Variants in ITGBL1 observed in about 807,000 individuals in gnomAD.
ITGBL1 encodes integrin subunit beta like 1, also known as integrin beta-like protein 1.
Under a neutral mutation model 68.5 loss-of-function variants are expected in ITGBL1, and 51 were observed. The observed-to-expected ratio is 0.74, with a 90% confidence interval of 0.59 to 0.94. ITGBL1 has a LOEUF of 0.94. ITGBL1 is among the 40% of genes least tolerant of loss of function. ITGBL1 has a pLI of 0.00. For synonymous variants in ITGBL1, 209 were observed against 227.3 expected (o/e 0.92, Z 0.72); for missense variants, 649 against 647.4 (o/e 1.00, Z -0.03).
intron 7 of ITGBL1, among the ~76,000 whole-genome samples, chr13:101,668,330 G>A (rs111550494): frequency 0.017 from 2,611 of 152,288 alleles, 82 homozygotes; most frequent in African/African-American, 0.058. Flanking sequence ...AGAGGTTGCA[G>A]TGAGCTGAGA....
chr13:101,452,769 C>T lies in ITGBL1; in HGVS notation c.-65C>T. The T allele has an allele frequency of 1.5e-6, 2 of 1,338,560 alleles. No individual in the cohort carries two copies. Among genetic ancestry groups the T allele is most frequent in the South Asian group, 1.2e-5 (1 of 85,342 alleles). 82.9% of individuals were successfully genotyped at this position (1,338,560 alleles called of 1,614,324 possible). A position where few individuals can be genotyped will look rare whatever the true frequency, so the allele number is the denominator to read the frequency against. On this transcript the variant is annotated 5_prime_UTR_variant, in exon 1 of 11. Transcript: ENST00000376180. ...TGCTGGTGGCACCTCTCCCTCCTGC[C>T]GCCTCCCTCGGTGAACCCCACCTTG...
intron 7 of ITGBL1, among the ~76,000 whole-genome samples, chr13:101,682,259 A>G (rs966584838): frequency 1.3e-5 from 2 of 152,216 alleles, no homozygotes; most frequent in Non-Finnish European, 2.9e-5. Flanking sequence ...TCTGTATTTT[A>G]TAAAGGTCAC....
chr13:101,611,226 GA>G (rs1381432356), intron 7 of ITGBL1, among the ~76,000 whole-genome samples: 1 of 152,172 alleles, frequency 6.6e-6, no homozygotes, highest in Non-Finnish European at 1.5e-5. Context: ...TGATGTCATA[GA>G]AATGCCAAGT....
Position 101,545,707 on chromosome 13 carries a change from G to A in ITGBL1, c.317-21992G>A, listed in dbSNP as rs981165937. On this transcript the variant is annotated intron_variant, in intron 2 of 10. Coordinates refer to ENST00000376180, the MANE Select transcript of ITGBL1 (RefSeq NM_004791.3). ...AAGCTAAATATAAACAATAAAAAAA[G>A]TCATCTTCTTCAGGGAATTTATAGT... is the stretch of plus-strand genomic sequence containing the variant. 9.9e-5 allele frequency among the ~76,000 whole-genome samples: 15 copies of A among 152,200 alleles called. 1 individual carries two copies. In the East Asian group the frequency reaches 2.7e-3, roughly 28 times the overall value.
intron 2 of ITGBL1, among the ~76,000 whole-genome samples, chr13:101,455,099 C>T (rs1432281631): frequency 3.9e-5 from 6 of 152,150 alleles, no homozygotes; most frequent in Non-Finnish European, 5.9e-5. Flanking sequence ...CAATGCATTC[C>T]AGCCAGGGTT....
chr13:101,601,414 G>GT (rs1036678062), intron 7 of ITGBL1, among the ~76,000 whole-genome samples: 10 of 152,142 alleles, frequency 6.6e-5, no homozygotes, highest in Admixed American at 4.6e-4. Flanking sequence ...TTTTTGAAGG[G>GT]TTTTTTGTGT....
chr13:101,647,921 G>T (rs1178732863), intron 7 of ITGBL1, among the ~76,000 whole-genome samples: 1 of 152,120 alleles, frequency 6.6e-6, no homozygotes, highest in Non-Finnish European at 1.5e-5. Context: ...TGGGAGCGCT[G>T]GTGTGCTTGG....
chr13:101,466,532 CT>C (rs751350077), intron 2 of ITGBL1, among the ~76,000 whole-genome samples: 8 of 152,182 alleles, frequency 5.3e-5, no homozygotes. Flanking sequence ...TGCTGACCCG[CT>C]TCCTCTTTCT....
intron 2 of ITGBL1, among the ~76,000 whole-genome samples, chr13:101,480,190 C>T (rs1473400602): frequency 6.6e-6 from 1 of 151,862 alleles, no homozygotes; most frequent in Non-Finnish European, 1.5e-5. Context: ...AACTGGAGGA[C>T]GTTATTTTAA....
chr13:101,488,621 G>A (rs1315254308), intron 2 of ITGBL1, among the ~76,000 whole-genome samples: 1 of 152,166 alleles, frequency 6.6e-6, no homozygotes, highest in African/African-American at 2.4e-5. Context: ...AGTTTACTGA[G>A]CATGTACTGT....
At position 101,566,477 on chromosome 13, in the gene ITGBL1, C is replaced by T. The variant is rs542775575; in HGVS notation, c.317-1222C>T. On this transcript the variant is annotated intron_variant, in intron 2 of 10. Transcript: ENST00000376180. ...GAATGAATTCCTAATAAAATACTTG[C>T]AAGGTTTTGGTTATAAAATAGAATA... Among the ~76,000 whole-genome samples the T allele has an allele frequency of 1.5e-3, 229 of 152,086 alleles. 1 individual carries two copies. Among genetic ancestry groups the T allele is most frequent in the Non-Finnish European group, 2.3e-3 (157 of 67,994 alleles).
intron 7 of ITGBL1, among the ~76,000 whole-genome samples, chr13:101,662,154 TTGAA>T (rs1178841336): frequency 3.9e-5 from 6 of 152,226 alleles, no homozygotes; most frequent in Non-Finnish European, 8.8e-5. Flanking sequence ...TTTGGACTGA[TTGAA>T]TAGTTTATTT....
chr13:101,453,817 TG>T, intron 1 of ITGBL1, 65 bp from the exon 2 acceptor site: 1 of 1,084,750 alleles, frequency 9.2e-7, no homozygotes, highest in Non-Finnish European at 1.2e-6. Flanking sequence ...GGAGGAAACG[TG>T]GGTTCGGAGC....
chr13:101,496,267 C>G (rs763134478), intron 2 of ITGBL1, among the ~76,000 whole-genome samples: 8 of 152,160 alleles, frequency 5.3e-5, no homozygotes, highest in Non-Finnish European at 8.8e-5. Flanking sequence ...GGACACAGCC[C>G]TGGGCATATA....
intron 7 of ITGBL1, among the ~76,000 whole-genome samples, chr13:101,625,031 C>A (rs1314405230): frequency 6.6e-6 from 1 of 152,100 alleles, no homozygotes; most frequent in Non-Finnish European, 1.5e-5. Context: ...TGGTTCCCTG[C>A]CGGTAGATAA....
intron 2 of ITGBL1, among the ~76,000 whole-genome samples, chr13:101,460,033 T>C (rs1200370590): frequency 6.6e-6 from 1 of 152,152 alleles, no homozygotes; most frequent in African/African-American, 2.4e-5. Flanking sequence ...TCTTAGATTG[T>C]TGAACGATCT....
intron 7 of ITGBL1, among the ~76,000 whole-genome samples, chr13:101,625,817 G>C (rs1456596172): frequency 1.3e-5 from 2 of 152,110 alleles, no homozygotes; most frequent in African/African-American, 4.8e-5. Flanking sequence ...GCCTCCCAAA[G>C]TTCTGGGATT....
chr13:101,530,269 C>T (rs908069337), intron 2 of ITGBL1, among the ~76,000 whole-genome samples: 10 of 151,422 alleles, frequency 6.6e-5, no homozygotes, highest in East Asian at 1.9e-4. Flanking sequence ...AGAGAGAGCG[C>T]GAGGGGAGAG....
chr13:101,539,319 T>G (rs2049642771), intron 2 of ITGBL1, among the ~76,000 whole-genome samples: 1 of 151,844 alleles, frequency 6.6e-6, no homozygotes, highest in South Asian at 2.1e-4. Context: ...TTTTTATCCT[T>G]GTGATAGCTT....
Sources: allele counts gnomAD v4.1 joint callset (sites outside exome capture counted in the v4.1 genomes callset), GRCh38; gene constraint gnomAD v4.1.1; transcripts MANE v1.5; gene names NCBI Gene and HGNC (gene_info 2026-07-23, HGNC 2026-07-21).